The following SIPA1L2 variants were observed in gnomAD, a reference collection of about 807,000 sequenced individuals.
The protein encoded by SIPA1L2 is signal-induced proliferation-associated 1-like protein 2.
A neutral mutation model predicts 163.9 loss-of-function variants in SIPA1L2; 56 were observed. That is an observed-to-expected ratio of 0.34 (90% CI 0.28 to 0.43). The LOEUF is 0.43. SIPA1L2 is among the 20% of genes least tolerant of loss of function. The probability of loss-of-function intolerance (pLI) is 1.00; values close to 1 mark genes in which losing one functional copy is unlikely to be tolerated. For synonymous variants in SIPA1L2, 877 were observed against 865.7 expected (o/e 1.01, Z -0.23); for missense variants, 1,974 against 2,193.5 (o/e 0.90, Z 2.00).
intron 2 of SIPA1L2, among the ~76,000 whole-genome samples, chr1:232,541,233 CACATAACATAACATTA>C (rs1657642209): frequency 7.4e-6 from 1 of 135,280 alleles, no homozygotes; most frequent in African/African-American, 2.8e-5. Context: ...TGTATCACAT[CACATAACATAACATTA>C]ACATAACATA....
In SIPA1L2 at chr1:232,614,351, T is replaced by C. The variant is rs1225879979; in HGVS notation, c.-319+15518A>G. The stretch of plus-strand genomic sequence containing the variant: ...GGCACCATAAATCAGCAGGCCAGTT[T>C]TCCTCACACACAAGTTTCGTACTTC... On this transcript the variant is annotated intron_variant, in intron 1 of 22. Transcript: ENST00000674635. 2.0e-5 allele frequency among the ~76,000 whole-genome samples: 3 copies of C among 152,314 alleles called. No homozygotes were observed. The East Asian group carries it at 5.8e-4, about 29-fold the overall frequency.
chr1:232,517,036 T>C lies in SIPA1L2; in HGVS notation c.-269-1428A>G, dbSNP rs12755174. On this transcript the variant is annotated intron_variant, in intron 2 of 22. Transcript: ENST00000674635. ...TAATTAGATCAAGTGTCTACAAACA[T>C]ACGGGTAAATTGCAGTGTTTTCTAT... Among the ~76,000 whole-genome samples, 654 of 152,292 alleles carry C rather than the reference T, an allele frequency of 4.3e-3. 4 individuals carry two copies. The highest frequency in any genetic ancestry group is 7.3e-3 in the Non-Finnish European group (495 of 68,018).
chr1:232,470,744 ATAAAG>A (rs1664757639), intron 8 of SIPA1L2, among the ~76,000 whole-genome samples: 1 of 152,216 alleles, frequency 6.6e-6, no homozygotes. Context: ...GTTAAGAAAA[ATAAAG>A]TAAGCCACAC....
chr1:232,465,782 G>A lies in SIPA1L2; in HGVS notation c.2244-366C>T, dbSNP rs1045317852. On this transcript the variant is annotated intron_variant, in intron 8 of 22. Transcript: ENST00000674635. This position sits in a 1 kb window ranked among gnomAD's most constrained non-coding sequence, Gnocchi z 4.1. The stretch of plus-strand genomic sequence containing the variant: ...AAAGGACCCTTAAGGAGGTGGCTAA[G>A]TGAAACCATTCGGGTGGGCCCTAAT... Among the ~76,000 whole-genome samples the A allele has an allele frequency of 2.6e-5, 4 of 151,960 alleles. No homozygotes were observed. The highest frequency in any genetic ancestry group is 9.7e-5 in the African/African-American group (4 of 41,386).
chr1:232,461,452 G>C (rs1664230778), intron 9 of SIPA1L2, among the ~76,000 whole-genome samples: 2 of 152,226 alleles, frequency 1.3e-5, no homozygotes, highest in Non-Finnish European at 2.9e-5. Flanking sequence ...CAGGTGTCCT[G>C]CTTTCTTAGA....
intron 10 of SIPA1L2, among the ~76,000 whole-genome samples, chr1:232,452,553 G>A (rs754081431): frequency 3.9e-5 from 6 of 152,168 alleles, no homozygotes; most frequent in Non-Finnish European, 5.9e-5. Context: ...TGAGTTTCTC[G>A]GAAGAACCTT....
intron 2 of SIPA1L2, among the ~76,000 whole-genome samples, chr1:232,531,891 C>G (rs1656984303): frequency 6.6e-6 from 1 of 152,094 alleles, no homozygotes; most frequent in Non-Finnish European, 1.5e-5. Context: ...GGGGAAGGAG[C>G]TCCAATCAGG....
intron 10 of SIPA1L2, among the ~76,000 whole-genome samples, chr1:232,451,187 C>G (rs138909498): frequency 1.3e-5 from 2 of 152,224 alleles, no homozygotes; most frequent in East Asian, 3.9e-4. Flanking sequence ...CAGTTCCGTT[C>G]CATATATATG....
intron 1 of SIPA1L2, among the ~76,000 whole-genome samples, chr1:232,625,658 C>T (rs906386449): frequency 1.3e-5 from 2 of 152,140 alleles, no homozygotes; most frequent in South Asian, 2.1e-4. Context: ...GTCATGTTCA[C>T]GGGTCACGTT....
intron 2 of SIPA1L2, among the ~76,000 whole-genome samples, chr1:232,568,235 T>A (rs1237280386): frequency 6.6e-6 from 1 of 152,220 alleles, no homozygotes; most frequent in Non-Finnish European, 1.5e-5. Context: ...AGCTTGAGAC[T>A]GGCACATGAA....
At chr1:232,484,170 G>A (rs1472875418) in intron 5 of SIPA1L2, among the ~76,000 whole-genome samples, 1 of 152,314 alleles carries the variant, frequency 6.6e-6, no homozygotes, top group East Asian at 1.9e-4. Flanking sequence ...TACAGCTGGA[G>A]ACATGTCAGA....
In SIPA1L2 at chr1:232,570,542, T is replaced by C. The variant is rs530709175; in HGVS notation, c.-270+3632A>G. 2.6e-5 allele frequency among the ~76,000 whole-genome samples: 4 copies of C among 152,328 alleles called. No homozygotes were observed. The South Asian group carries it at 8.3e-4, about 32-fold the overall frequency. On this transcript the variant is annotated intron_variant, in intron 2 of 22. Coordinates refer to ENST00000674635, the MANE Select transcript of SIPA1L2 (RefSeq NM_020808.5). Reference sequence around the variant, plus strand: ...CATTCATACTTTTTATCAACAGATATGTTGTACAGATTTGTGATGTCCCCT... The same window carrying C: ...CATTCATACTTTTTATCAACAGATACGTTGTACAGATTTGTGATGTCCCCT...
At chr1:232,628,671 A>C (rs1360039512) in intron 1 of SIPA1L2, among the ~76,000 whole-genome samples, 2 of 152,222 alleles carry the variant, frequency 1.3e-5, no homozygotes, top group African/African-American at 4.8e-5. Context: ...AATAAAAAGC[A>C]ACAGTTTGGG....
chr1:232,407,749 G>A (rs10910422), intron 19 of SIPA1L2, among the ~76,000 whole-genome samples: 97,312 of 152,040 alleles, frequency 0.64, 32,504 homozygotes, highest in African/African-American at 0.82. Context: ...CCAGAGTCTA[G>A]GATCACTAGT....
At chr1:232,406,751 G>A (rs181361256) in intron 19 of SIPA1L2, among the ~76,000 whole-genome samples, 158 of 152,122 alleles carry the variant, frequency 1.0e-3, no homozygotes, top group African/African-American at 3.5e-3. Flanking sequence ...TGATCAACGC[G>A]TCATGTCTGT....
At chr1:232,500,894 A>C (rs1666433166) in intron 3 of SIPA1L2, among the ~76,000 whole-genome samples, 1 of 152,072 alleles carries the variant, frequency 6.6e-6, no homozygotes, top group Non-Finnish European at 1.5e-5. Context: ...GGCAAACTTC[A>C]CTGTTGTTTT....
At chr1:232,401,647 G>C (rs1660347518) in intron 22 of SIPA1L2, among the ~76,000 whole-genome samples, 1 of 152,058 alleles carries the variant, frequency 6.6e-6, no homozygotes, top group South Asian at 2.1e-4. Flanking sequence ...TCCTATCCAA[G>C]GCCAGCTCCC....
intron 3 of SIPA1L2, among the ~76,000 whole-genome samples, chr1:232,501,642 A>G (rs1666486450): frequency 6.6e-6 from 1 of 152,238 alleles, no homozygotes. Context: ...TCTCCAGAAT[A>G]AATCTTATTT....
Position 232,515,264 on chromosome 1 carries a change from TA to T in SIPA1L2, c.75del (p.Arg26GlufsTer26). On this transcript the variant is annotated frameshift_variant, in exon 3 of 23. Coordinates refer to ENST00000674635, the MANE Select transcript of SIPA1L2 (RefSeq NM_020808.5). LOFTEE classifies it high-confidence loss of function. ...GRASSKFKDPPRIMQSDDYFA... is the reference protein window; with the variant it reads ...GRASSKFKDPXRIMQSDDYFA... Reference sequence around the variant, plus strand: ...AAATAATCATCTGACTGCATGATTCTAGGGGGATCCTTGAACTTTGAAGAGG... The same window carrying T: ...AAATAATCATCTGACTGCATGATTCTGGGGGATCCTTGAACTTTGAAGAGG... The T allele has an allele frequency of 6.2e-7, 1 of 1,613,904 alleles. No individual in the cohort carries two copies. Among genetic ancestry groups the T allele is most frequent in the Non-Finnish European group, 8.5e-7 (1 of 1,179,896 alleles).
Sources: gnomAD v4.1 joint callset for allele counts (sites outside exome capture counted in the v4.1 genomes callset) on GRCh38, gnomAD v4.1.1 for gene constraint, Gnocchi (gnomAD v3.1) non-coding constraint, MANE v1.5 for transcripts, NCBI Gene and HGNC (gene_info 2026-07-23, HGNC 2026-07-21) for gene names.